The following RBFOX1 variants were observed in gnomAD, a reference collection of about 807,000 sequenced individuals.
RBFOX1 encodes the protein RNA binding fox-1 homolog 1, also known as RNA binding protein fox-1 homolog 1.
Under a neutral mutation model 57.7 loss-of-function variants are expected in RBFOX1, and 8 were observed. That is an observed-to-expected ratio of 0.14 (90% CI 0.08 to 0.25). The LOEUF (loss-of-function observed/expected upper bound fraction) is 0.25, where lower values mean the gene tolerates loss of function less well. RBFOX1 is among the 10% of genes least tolerant of loss of function. The probability of loss-of-function intolerance (pLI) is 1.00; values close to 1 mark genes in which losing one functional copy is unlikely to be tolerated. For missense variants in RBFOX1, 611 were observed against 548.5 expected (o/e 1.11, Z -1.14); for synonymous variants, 326 against 222.4 (o/e 1.47, Z -4.15).
chr16:6,728,917 G>A (rs766443848), intron 3 of RBFOX1, among the ~76,000 whole-genome samples: 28 of 152,106 alleles, frequency 1.8e-4, no homozygotes, highest in Non-Finnish European at 3.2e-4. Flanking sequence ...GTATACATAT[G>A]CATACATACG....
chr16:7,063,423 C>T (rs2055100079), intron 4 of RBFOX1, among the ~76,000 whole-genome samples: 1 of 152,158 alleles, frequency 6.6e-6, no homozygotes, highest in African/African-American at 2.4e-5. Flanking sequence ...CAACTTCTTC[C>T]TTCTCAGAGT....
intron 4 of RBFOX1, among the ~76,000 whole-genome samples, chr16:7,240,307 G>A (rs79040308): frequency 0.056 from 8,511 of 152,070 alleles, 645 homozygotes; most frequent in African/African-American, 0.17. Flanking sequence ...GAATGTTTAC[G>A]GAGCAGTGTT....
intron 3 of RBFOX1, among the ~76,000 whole-genome samples, chr16:6,805,022 C>T (rs762791725): frequency 1.3e-5 from 2 of 152,138 alleles, no homozygotes; most frequent in Admixed American, 1.3e-4. Context: ...ACCATTTGAC[C>T]TACCAGTCCC....
intron 4 of RBFOX1, among the ~76,000 whole-genome samples, chr16:7,494,484 A>C (rs995778418): frequency 6.6e-6 from 1 of 152,142 alleles, no homozygotes; most frequent in African/African-American, 2.4e-5. Flanking sequence ...AAATTTTCCT[A>C]ACCCCCTGCA....
intron 2 of RBFOX1, among the ~76,000 whole-genome samples, chr16:5,536,097 C>CT: frequency 2.2e-5 from 1 of 45,046 alleles, no homozygotes; most frequent in African/African-American, 1.2e-4. Context: ...GTCATCAAGC[C>CT]CCCCCCCCCT....
At chr16:7,485,008 A>G (rs535372325) in intron 4 of RBFOX1, among the ~76,000 whole-genome samples, 2 of 151,668 alleles carry the variant, frequency 1.3e-5, no homozygotes, top group African/African-American at 2.4e-5. Flanking sequence ...TTGCATTTTT[A>G]TGTCTTGCAT....
intron 4 of RBFOX1, among the ~76,000 whole-genome samples, chr16:7,265,879 G>C (rs996804668): frequency 6.6e-6 from 1 of 151,646 alleles, no homozygotes; most frequent in South Asian, 2.1e-4. Flanking sequence ...CCTGGTAAGA[G>C]CTGTTTAGAT....
intron 4 of RBFOX1, among the ~76,000 whole-genome samples, chr16:7,127,474 G>A (rs746544339): frequency 6.6e-6 from 1 of 152,130 alleles, no homozygotes; most frequent in South Asian, 2.1e-4. Flanking sequence ...AATATGTTAA[G>A]AAATAAATAG....
At chr16:6,088,185 A>T (rs1289786047) in intron 1 of RBFOX1, among the ~76,000 whole-genome samples, 1 of 152,072 alleles carries the variant, frequency 6.6e-6, no homozygotes, top group Non-Finnish European at 1.5e-5. Context: ...CCTCTTAGTT[A>T]CTTTTTTTCT....
chr16:7,198,570 A>G (rs1314755070), intron 4 of RBFOX1, among the ~76,000 whole-genome samples: 2 of 152,196 alleles, frequency 1.3e-5, no homozygotes, highest in Non-Finnish European at 2.9e-5. Context: ...TATTTGGCTC[A>G]TGGGTTTGGA....
At chr16:6,201,691 G>T (rs1421947000) in intron 1 of RBFOX1, among the ~76,000 whole-genome samples, 1 of 152,140 alleles carries the variant, frequency 6.6e-6, no homozygotes. Flanking sequence ...CTAACACAAA[G>T]AAATGGTAAA....
intron 3 of RBFOX1, among the ~76,000 whole-genome samples, chr16:6,931,198 T>G (rs1262033578): frequency 6.6e-6 from 1 of 151,608 alleles, no homozygotes; most frequent in Non-Finnish European, 1.5e-5. Flanking sequence ...TATGGCATAA[T>G]ATTTTTAACC....
intron 3 of RBFOX1, among the ~76,000 whole-genome samples, chr16:5,696,244 G>A (rs902539475): frequency 1.3e-5 from 2 of 152,170 alleles, no homozygotes; most frequent in Non-Finnish European, 2.9e-5. Context: ...TTCCTTAGCT[G>A]CCAGAACTAT....
intron 1 of RBFOX1, among the ~76,000 whole-genome samples, chr16:5,357,617 A>G (rs1278872050): frequency 6.6e-6 from 1 of 152,202 alleles, no homozygotes; most frequent in African/African-American, 2.4e-5. Flanking sequence ...CTAAACTTGT[A>G]ACAAACTCCC....
intron 4 of RBFOX1, among the ~76,000 whole-genome samples, chr16:7,366,289 A>G (rs1419662491): frequency 6.6e-6 from 1 of 152,238 alleles, no homozygotes; most frequent in Admixed American, 6.5e-5. Context: ...GTGTCAGAGA[A>G]TGTCACTTAG....
intron 2 of RBFOX1, among the ~76,000 whole-genome samples, chr16:6,430,934 C>T (rs117397258): frequency 2.3e-3 from 332 of 142,406 alleles, no homozygotes; most frequent in Non-Finnish European, 3.2e-3. Flanking sequence ...AGTTCGAGAC[C>T]GGCATGGGCA....
intron 3 of RBFOX1, among the ~76,000 whole-genome samples, chr16:5,683,042 C>A (rs1362247078): frequency 6.6e-6 from 1 of 150,616 alleles, no homozygotes; most frequent in Non-Finnish European, 1.5e-5. Context: ...GAGTGTCCAC[C>A]TTTTAGGGTT....
At chr16:6,576,504 G>A (rs891809300) in intron 2 of RBFOX1, among the ~76,000 whole-genome samples, 5 of 152,076 alleles carry the variant, frequency 3.3e-5, no homozygotes, top group African/African-American at 1.2e-4. Flanking sequence ...ATTCTTCTAA[G>A]GGTCTTAAAA....
intron 4 of RBFOX1, among the ~76,000 whole-genome samples, chr16:5,951,884 G>A (rs1389667713): frequency 2.0e-5 from 3 of 151,794 alleles, no homozygotes; most frequent in South Asian, 2.1e-4. Context: ...GTTTGTGTGT[G>A]TATATACATA....
Sources: gnomAD v4.1 joint callset for allele counts (sites outside exome capture counted in the v4.1 genomes callset) on GRCh38, gnomAD v4.1.1 for gene constraint, MANE v1.5 for transcripts, NCBI Gene and HGNC (gene_info 2026-07-23, HGNC 2026-07-21) for gene names.